Variants in MACROD2 observed in about 807,000 individuals in gnomAD.
MACROD2 encodes the protein mono-ADP ribosylhydrolase 2.
Under a neutral mutation model 70.4 loss-of-function variants are expected in MACROD2, and 36 were observed. The ratio of observed to expected loss-of-function variants is 0.51; its 90% CI spans 0.39 to 0.68. The LOEUF is 0.68. MACROD2 is among the 30% of genes least tolerant of loss of function. The pLI is 0.00. For missense variants in MACROD2, 496 were observed against 538.4 expected (o/e 0.92, Z 0.78); for synonymous variants, 172 against 178.8 (o/e 0.96, Z 0.30).
At chr20:15,419,104 C>A (rs6079810) in intron 6 of MACROD2, among the ~76,000 whole-genome samples, 27,246 of 152,152 alleles carry the variant, frequency 0.18, 2,871 homozygotes, top group Non-Finnish European at 0.25. Context: ...CCAGAAAACA[C>A]AACAGGTGAA....
intron 3 of MACROD2, among the ~76,000 whole-genome samples, chr20:14,357,697 T>A (rs1218226429): frequency 6.6e-6 from 1 of 152,264 alleles, no homozygotes. Flanking sequence ...AACTCTGGGT[T>A]GCAAACAACT....
chr20:14,593,245 T>G (rs1981901074), intron 4 of MACROD2, among the ~76,000 whole-genome samples: 1 of 152,220 alleles, frequency 6.6e-6, no homozygotes, highest in Admixed American at 6.5e-5. Context: ...GAAATTTTTT[T>G]GGGCTAAGTT....
At chr20:14,800,031 G>A (rs2072555390) in intron 5 of MACROD2, among the ~76,000 whole-genome samples, 1 of 152,132 alleles carries the variant, frequency 6.6e-6, no homozygotes, top group Middle Eastern at 3.4e-3. Context: ...ACTCAGTCAA[G>A]CTGACAGTTC....
intron 3 of MACROD2, among the ~76,000 whole-genome samples, chr20:14,143,975 G>GAT (rs2148707242): frequency 6.6e-6 from 1 of 151,920 alleles, no homozygotes; most frequent in African/African-American, 2.4e-5. Context: ...CTGGGCAAAG[G>GAT]TTTTTTTCCC....
intron 8 of MACROD2, among the ~76,000 whole-genome samples, chr20:15,509,196 C>T (rs2047467073): frequency 6.6e-6 from 1 of 152,084 alleles, no homozygotes; most frequent in Non-Finnish European, 1.5e-5. Context: ...AATTAGAGTG[C>T]TTTTTATAAA....
intron 12 of MACROD2, among the ~76,000 whole-genome samples, chr20:15,960,354 G>A (rs1370251585): frequency 6.6e-6 from 1 of 152,170 alleles, no homozygotes; most frequent in African/African-American, 2.4e-5. Context: ...CATAATTAAA[G>A]ACAGCATGGT....
chr20:15,529,899 G>A (rs1465223372), intron 8 of MACROD2, among the ~76,000 whole-genome samples: 1 of 152,230 alleles, frequency 6.6e-6, no homozygotes, highest in Non-Finnish European at 1.5e-5. Context: ...GGGCCACGGT[G>A]TGTATTCAGA....
chr20:14,735,167 G>A (rs1352672900), intron 5 of MACROD2, among the ~76,000 whole-genome samples: 3 of 152,124 alleles, frequency 2.0e-5, no homozygotes, highest in Admixed American at 1.3e-4. Context: ...GCCCTTTTGT[G>A]CCTCAAACGA....
intron 6 of MACROD2, among the ~76,000 whole-genome samples, chr20:15,270,782 C>T (rs973511557): frequency 2.0e-5 from 3 of 152,124 alleles, no homozygotes. Context: ...ACTATGCAAT[C>T]TTGCCTCCAT....
At chr20:14,841,324 GAGTGA>G (rs2073084849) in intron 5 of MACROD2, among the ~76,000 whole-genome samples, 1 of 152,174 alleles carries the variant, frequency 6.6e-6, no homozygotes, top group Non-Finnish European at 1.5e-5. Context: ...AATGTAGATT[GAGTGA>G]ATGAACTAAT....
intron 5 of MACROD2, among the ~76,000 whole-genome samples, chr20:15,065,693 A>T (rs1389655594): frequency 6.6e-6 from 1 of 151,436 alleles, no homozygotes; most frequent in Non-Finnish European, 1.5e-5. Context: ...TTACAGTTTT[A>T]TTTTCTCTCA....
intron 6 of MACROD2, among the ~76,000 whole-genome samples, chr20:15,416,577 G>A (rs1011829023): frequency 6.6e-6 from 1 of 152,164 alleles, no homozygotes; most frequent in Non-Finnish European, 1.5e-5. Flanking sequence ...ATATGATATG[G>A]AGTCAGGTGT....
At chr20:14,019,056 AG>A (rs1056496664) in intron 2 of MACROD2, among the ~76,000 whole-genome samples, 1 of 152,104 alleles carries the variant, frequency 6.6e-6, no homozygotes, top group Non-Finnish European at 1.5e-5. Flanking sequence ...GCAGCAAAAC[AG>A]GGCACTCCTT....
At chr20:14,763,871 G>T (rs1456329666) in intron 5 of MACROD2, among the ~76,000 whole-genome samples, 1 of 151,990 alleles carries the variant, frequency 6.6e-6, no homozygotes, top group Non-Finnish European at 1.5e-5. Flanking sequence ...ATATAGATTT[G>T]AAAGTCATTA....
intron 4 of MACROD2, among the ~76,000 whole-genome samples, chr20:14,580,382 G>T (rs1980927397): frequency 6.6e-6 from 1 of 151,570 alleles, no homozygotes; most frequent in African/African-American, 2.4e-5. Context: ...CATTATCTTG[G>T]TTACTCCATT....
At chr20:14,162,926 C>A (rs2055211226) in intron 3 of MACROD2, among the ~76,000 whole-genome samples, 1 of 151,860 alleles carries the variant, frequency 6.6e-6, no homozygotes, top group Non-Finnish European at 1.5e-5. Context: ...TAATTGAAGT[C>A]ATTGTTATTT....
At chr20:14,957,910 T>C (rs1014401724) in intron 5 of MACROD2, among the ~76,000 whole-genome samples, 5 of 151,886 alleles carry the variant, frequency 3.3e-5, no homozygotes, top group Admixed American at 1.3e-4. Context: ...AATTACTTTT[T>C]TATAATAGAA....
At chr20:15,761,455 G>A (rs2051434330) in intron 8 of MACROD2, among the ~76,000 whole-genome samples, 1 of 152,128 alleles carries the variant, frequency 6.6e-6, no homozygotes, top group African/African-American at 2.4e-5. Context: ...AAATAATTAA[G>A]GCAATTGTTT....
At chr20:14,348,174 C>G (rs1202623092) in intron 3 of MACROD2, among the ~76,000 whole-genome samples, 1 of 150,884 alleles carries the variant, frequency 6.6e-6, no homozygotes, top group Admixed American at 6.6e-5. Flanking sequence ...GAGGCTGAGG[C>G]AGGAGAATTG....
Sources: gnomAD v4.1 joint callset for allele counts (sites outside exome capture counted in the v4.1 genomes callset) on GRCh38, gnomAD v4.1.1 for gene constraint, MANE v1.5 for transcripts, NCBI Gene and HGNC (gene_info 2026-07-23, HGNC 2026-07-21) for gene names.